The following ASPRV1 variants were observed in gnomAD, a reference collection of about 807,000 sequenced individuals.
ASPRV1 encodes aspartic peptidase retroviral like 1.
In ASPRV1, 7 loss-of-function variants were observed where a neutral mutation model predicts 11.0. The ratio of observed to expected loss-of-function variants is 0.64; its 90% CI spans 0.36 to 1.20. The LOEUF (loss-of-function observed/expected upper bound fraction) is 1.20. ASPRV1 is among the 50% of genes most tolerant of loss of function. ASPRV1 has a pLI of 0.02. For missense variants in ASPRV1, 299 were observed against 320.0 expected (o/e 0.93, Z 0.50); for synonymous variants, 136 against 138.4 (o/e 0.98, Z 0.12).
chr2:70,017,273 G>A, the ASPRV1 span, among the ~76,000 whole-genome samples: 4 of 152,218 alleles, frequency 2.6e-5, no homozygotes, highest in African/African-American at 9.6e-5. Context: ...TTACAGGCGT[G>A]AGCCACCACG....
At chr2:69,982,670 G>A in the ASPRV1 span, among the ~76,000 whole-genome samples, 8 of 152,248 alleles carry the variant, frequency 5.3e-5, no homozygotes, top group South Asian at 1.2e-3. Flanking sequence ...ACTAGGAGTC[G>A]TCAAGCAGAG....
the ASPRV1 span, among the ~76,000 whole-genome samples, chr2:70,059,249 T>A: frequency 6.7e-6 from 1 of 149,820 alleles, no homozygotes; most frequent in African/African-American, 2.5e-5. Flanking sequence ...GTCTGCTGAT[T>A]GGTTTTCTTT....
At chr2:70,076,831 TGCAGCCCA>T in the ASPRV1 span, among the ~76,000 whole-genome samples, 1 of 152,222 alleles carries the variant, frequency 6.6e-6, no homozygotes, top group Non-Finnish European at 1.5e-5. Context: ...AGCTTGTTGC[TGCAGCCCA>T]GCATCATGAG....
chr2:69,949,035 C>A, the ASPRV1 span, among the ~76,000 whole-genome samples: 7 of 152,304 alleles, frequency 4.6e-5, no homozygotes, highest in African/African-American at 1.7e-4. Flanking sequence ...CCCGACTCCA[C>A]CTGTATAAAA....
the ASPRV1 span, chr2:70,048,599 G>C: frequency 6.6e-6 from 1 of 152,124 alleles, no homozygotes; most frequent in African/African-American, 2.4e-5. Flanking sequence ...GACTTCTCTG[G>C]GCCTCAGTTT....
chr2:70,000,788 CAAAAAAAAAAAAAAAAA>C, the ASPRV1 span, among the ~76,000 whole-genome samples: 205 of 42,050 alleles, frequency 4.9e-3, 2 homozygotes, highest in South Asian at 0.035. Flanking sequence ...GACCCTGCCT[CAAAAAAAAAAAAAAAAA>C]AAAAAAAAAA....
the ASPRV1 span, among the ~76,000 whole-genome samples, chr2:70,021,464 G>A: frequency 1.3e-5 from 2 of 151,662 alleles, no homozygotes; most frequent in African/African-American, 4.8e-5. Flanking sequence ...GACTACAGGT[G>A]CACACTGCCA....
the ASPRV1 span, among the ~76,000 whole-genome samples, chr2:69,944,957 A>C: frequency 6.6e-6 from 1 of 152,014 alleles, no homozygotes; most frequent in African/African-American, 2.4e-5. Flanking sequence ...CATGACTTCT[A>C]CTTAGGCCCT....
At chr2:70,069,180 C>G in the ASPRV1 span, 1 of 152,254 alleles carries the variant, frequency 6.6e-6, no homozygotes, top group Non-Finnish European at 1.5e-5. Flanking sequence ...ACACCTCACA[C>G]AGTCACACAC....
chr2:70,047,075 T>C, the ASPRV1 span, among the ~76,000 whole-genome samples: 1 of 152,162 alleles, frequency 6.6e-6, no homozygotes, highest in East Asian at 1.9e-4. Context: ...GTTTGAACTT[T>C]CCAGGTCAAT....
At chr2:69,973,873 G>T in the ASPRV1 span, among the ~76,000 whole-genome samples, 12 of 152,164 alleles carry the variant, frequency 7.9e-5, no homozygotes, top group African/African-American at 2.7e-4. Flanking sequence ...GATTTGTGGT[G>T]GTTGCTGCCC....
At chr2:70,083,806 A>T in the ASPRV1 span, 1 of 152,184 alleles carries the variant, frequency 6.6e-6, no homozygotes, top group Non-Finnish European at 1.5e-5. Context: ...ACATAAGTAG[A>T]AGGACCCTTA....
rs139486708 is a variant in ASPRV1, at chr2:69,960,595, A to ACCC, written c.*59_*61dup. The ACCC allele has an allele frequency of 1.3e-6, 2 of 1,498,278 alleles. No homozygotes were observed. Among genetic ancestry groups the ACCC allele is most frequent in the African/African-American group, 2.8e-5 (2 of 71,186 alleles). 92.8% of individuals were successfully genotyped at this position (1,498,278 alleles called of 1,614,324 possible). A position where few individuals can be genotyped will look rare whatever the true frequency, so the allele number is the denominator to read the frequency against. ...CCAGTGACCCCCATGAGGATATGCA[A>ACCC]CCCCCCCCACAGCGGTGGGTCTTCC... On this transcript the variant is annotated 3_prime_UTR_variant, in exon 1 of 1. Coordinates refer to ENST00000320256, the MANE Select transcript of ASPRV1 (RefSeq NM_152792.4).
chr2:69,963,199 C>T (rs1275199747), upstream of ASPRV1: 6 of 449,302 alleles, frequency 1.3e-5, no homozygotes, highest in Non-Finnish European at 2.7e-5. Context: ...TGGGTCAACA[C>T]CTCTCATCAC....
the ASPRV1 span, among the ~76,000 whole-genome samples, chr2:70,039,529 T>TA: frequency 6.6e-6 from 1 of 152,172 alleles, no homozygotes; most frequent in African/African-American, 2.4e-5. Flanking sequence ...GCTCAATCCT[T>TA]AGACGTTTAA....
At chr2:70,022,412 A>G in the ASPRV1 span, among the ~76,000 whole-genome samples, 2 of 148,552 alleles carry the variant, frequency 1.3e-5, no homozygotes, top group Non-Finnish European at 3.0e-5. Flanking sequence ...CAGGCCAGGC[A>G]CAGTGGCTCA....
chr2:70,069,375 A>G, the ASPRV1 span: 1 of 152,242 alleles, frequency 6.6e-6, no homozygotes, highest in South Asian at 2.1e-4. Context: ...TTGGAACTCA[A>G]AACAGAAACC....
the ASPRV1 span, among the ~76,000 whole-genome samples, chr2:69,973,004 C>A: frequency 6.6e-6 from 1 of 152,078 alleles, no homozygotes; most frequent in Non-Finnish European, 1.5e-5. Flanking sequence ...AGAGTCAAAT[C>A]TCTGGCCACT....
the ASPRV1 span, among the ~76,000 whole-genome samples, chr2:70,077,833 C>A: frequency 1.6e-4 from 24 of 151,524 alleles, no homozygotes; most frequent in African/African-American, 5.6e-4. Context: ...CCAGCCTGGA[C>A]AACAAGAGCG....
Sources: gnomAD v4.1 joint callset for allele counts (sites outside exome capture counted in the v4.1 genomes callset) on GRCh38, gnomAD v4.1.1 for gene constraint, MANE v1.5 for transcripts, NCBI Gene and HGNC (gene_info 2026-07-23, HGNC 2026-07-21) for gene names.